TMEM87A: variants seen among roughly 807,000 people sequenced by gnomAD.
TMEM87A encodes the protein Golgi-pH regulating cation channel.
A neutral mutation model predicts 90.0 loss-of-function variants in TMEM87A; 50 were observed. The ratio of observed to expected loss-of-function variants is 0.56; its 90% CI spans 0.44 to 0.70. TMEM87A has a LOEUF of 0.70. TMEM87A is among the 30% of genes least tolerant of loss of function. The probability of loss-of-function intolerance (pLI) is 0.00; values close to 1 mark genes in which losing one functional copy is unlikely to be tolerated. For synonymous variants in TMEM87A, 226 were observed against 226.7 expected (o/e 1.00, Z 0.03); for missense variants, 577 against 660.5 (o/e 0.87, Z 1.39).
intron 8 of TMEM87A, among the ~76,000 whole-genome samples, chr15:42,238,323 T>G (rs1027072368): frequency 1.3e-5 from 2 of 151,172 alleles, no homozygotes; most frequent in Non-Finnish European, 3.0e-5. Context: ...ATACCAGCAA[T>G]TTGGGAGGCA....
At chr15:42,238,581 T>TAATAA (rs2050816828) in intron 8 of TMEM87A, among the ~76,000 whole-genome samples, 1 of 151,486 alleles carries the variant, frequency 6.6e-6, no homozygotes, top group African/African-American at 2.4e-5. Flanking sequence ...AGATAAAAAA[T>TAATAA]AATAAAATAA....
At chr15:42,217,872 AT>A in intron 18 of TMEM87A, 39 bp from the exon 19 acceptor site, 1 of 1,593,514 alleles carries the variant, frequency 6.3e-7, no homozygotes, top group Non-Finnish European at 8.6e-7. Flanking sequence ...ACAATGTAAA[AT>A]AAAGCCATAA....
chr15:42,272,029 T>A, intron 2 of TMEM87A, 34 bp downstream of exon 2: 5 of 1,541,676 alleles, frequency 3.2e-6, no homozygotes, highest in Non-Finnish European at 4.4e-6. Context: ...TTTTTAAAAT[T>A]CAAATTAAAA....
intron 1 of TMEM87A, 72 bp downstream of exon 1, chr15:42,273,183 T>C (rs946911405): frequency 8.2e-6 from 13 of 1,588,154 alleles, no homozygotes; most frequent in African/African-American, 8.1e-5. Flanking sequence ...GGAACCTTCA[T>C]GGACCCCTTG....
chr15:42,241,862 C>G (rs1177165979), intron 7 of TMEM87A, among the ~76,000 whole-genome samples: 1 of 151,702 alleles, frequency 6.6e-6, no homozygotes, highest in Admixed American at 6.6e-5. Context: ...AATAATTTAG[C>G]AGATAAATAA....
chr15:42,221,271 CAGAGAGAGAGAG>C (rs1208211599), intron 15 of TMEM87A, among the ~76,000 whole-genome samples: 14 of 111,828 alleles, frequency 1.3e-4, no homozygotes, highest in African/African-American at 5.9e-5. Context: ...GAGACAGAGA[CAGAGAGAGAGAG>C]AGAGAGAGAG....
At chr15:42,212,135 T>C (rs1338532748) in intron 19 of TMEM87A, among the ~76,000 whole-genome samples, 1 of 152,226 alleles carries the variant, frequency 6.6e-6, no homozygotes, top group Non-Finnish European at 1.5e-5. Flanking sequence ...AGTTAGCACT[T>C]TGCACTTTAG....
rs1331948811 is a variant in TMEM87A at position 42,243,297 on chromosome 15, TAAATAAATAAATAAATAAAA to T, written c.622+733_622+752del. Among the ~76,000 whole-genome samples, 63 of 104,014 alleles carry T rather than the reference TAAATAAATAAATAAATAAAA, an allele frequency of 6.1e-4. 1 individual carries two copies. In the Middle Eastern group the frequency reaches 0.017, roughly 28 times the overall value. The allele number at this position is 104,014 out of a possible 152,430, so 68.2% of individuals were successfully genotyped here. A position where few individuals can be genotyped will look rare whatever the true frequency, so the allele number is the denominator to read the frequency against. On this transcript the variant is annotated intron_variant, in intron 7 of 19. Coordinates refer to ENST00000389834, the MANE Select transcript of TMEM87A (RefSeq NM_015497.5). ...ATAAATAAATAAATAAATAAATAAA[TAAATAAATAAATAAATAAAA>T]AAAAAGAAAGCAGGGGAGGAAAGGA...
At chr15:42,218,760 A>G (rs1466000138) in intron 17 of TMEM87A, among the ~76,000 whole-genome samples, 1 of 152,200 alleles carries the variant, frequency 6.6e-6, no homozygotes, top group Non-Finnish European at 1.5e-5. Flanking sequence ...TTCTGAATCT[A>G]AATAGTATTC....
At chr15:42,246,714 T>A (rs1181737126) in intron 6 of TMEM87A, among the ~76,000 whole-genome samples, 1 of 152,246 alleles carries the variant, frequency 6.6e-6, no homozygotes, top group African/African-American at 2.4e-5. Flanking sequence ...TTGGGTTGGT[T>A]CCAAGTCTTT....
chr15:42,270,533 T>C (rs994758504), intron 2 of TMEM87A, among the ~76,000 whole-genome samples: 13 of 151,532 alleles, frequency 8.6e-5, no homozygotes, highest in Non-Finnish European at 1.8e-4. Flanking sequence ...GAGGTGGAGG[T>C]TGCAGTAAGC....
intron 17 of TMEM87A, 101 bp downstream of exon 17, chr15:42,219,480 G>A (rs2050435836): frequency 1.1e-6 from 1 of 943,976 alleles, no homozygotes; most frequent in Non-Finnish European, 1.6e-6. Context: ...TCATTGCCAA[G>A]ACCAATGTCA....
At chr15:42,239,257 T>C (rs150899729) in intron 8 of TMEM87A, among the ~76,000 whole-genome samples, 2,032 of 152,268 alleles carry the variant, frequency 0.013, 19 homozygotes, top group Non-Finnish European at 0.022. Context: ...GCCAGGCTGG[T>C]CTCAAACTCC....
At chr15:42,218,031 T>G (rs1008317722) in intron 18 of TMEM87A, 198 bp from the exon 19 acceptor site, 1 of 643,092 alleles carries the variant, frequency 1.6e-6, no homozygotes, top group Admixed American at 3.3e-5. Context: ...AAACGTATTT[T>G]GCAATGCAAC....
At chr15:42,250,440 G>T (rs1357024494) in intron 6 of TMEM87A, among the ~76,000 whole-genome samples, 3 of 152,110 alleles carry the variant, frequency 2.0e-5, no homozygotes, top group Non-Finnish European at 4.4e-5. Context: ...CTTCCTTCCG[G>T]AACTCTTGTA....
chr15:42,264,012 G>T, intron 4 of TMEM87A, 78 bp downstream of exon 4: 1 of 1,075,620 alleles, frequency 9.3e-7, no homozygotes, highest in Non-Finnish European at 1.4e-6. Flanking sequence ...TTGAGAAGTC[G>T]GAAGTGGATA....
intron 9 of TMEM87A, among the ~76,000 whole-genome samples, 165 bp from the exon 10 acceptor site, chr15:42,236,584 C>A (rs903084521): frequency 6.6e-6 from 1 of 152,166 alleles, no homozygotes; most frequent in Non-Finnish European, 1.5e-5. Context: ...AAGCTGATGC[C>A]ACTCACAATC....
intron 1 of TMEM87A, chr15:42,272,906 C>G: frequency 2.0e-6 from 1 of 491,756 alleles, no homozygotes; most frequent in East Asian, 5.9e-5. Flanking sequence ...TCTTATCCAA[C>G]CCGGGGACAC....
At position 42,251,825 on chromosome 15, in the gene TMEM87A, T is replaced by C. The variant is rs1025338206; in HGVS notation, c.505-7658A>G. Among the ~76,000 whole-genome samples, 4 of 152,242 alleles carry C rather than the reference T, an allele frequency of 2.6e-5. No individual in the cohort carries two copies. The East Asian group carries it at 7.7e-4, about 29-fold the overall frequency. Reference sequence around the variant, plus strand: ...TTAGTCTTCAGAAGTTTCTGCTGCCTTTTGTTCAGCTATGCCCTGCCCCCA... The same window carrying C: ...TTAGTCTTCAGAAGTTTCTGCTGCCCTTTGTTCAGCTATGCCCTGCCCCCA... On this transcript the variant is annotated intron_variant, in intron 6 of 19. Transcript: ENST00000389834.
Sources: gnomAD v4.1 joint callset for allele counts (sites outside exome capture counted in the v4.1 genomes callset) on GRCh38, gnomAD v4.1.1 for gene constraint, MANE v1.5 for transcripts, NCBI Gene and HGNC (gene_info 2026-07-23, HGNC 2026-07-21) for gene names.